Variants in NBAS observed in about 807,000 individuals in gnomAD.
NBAS encodes the protein NAG/BC035112 fusion.
Under a neutral mutation model 302.5 loss-of-function variants are expected in NBAS, and 219 were observed. The ratio of observed to expected loss-of-function variants is 0.72; its 90% CI spans 0.65 to 0.81. The LOEUF is 0.81. NBAS is among the 30% of genes least tolerant of loss of function. The pLI, the probability that NBAS is intolerant of heterozygous loss-of-function variation, is 0.00. For missense variants in NBAS, 2,932 were observed against 2,841.6 expected, an observed-to-expected ratio of 1.03 and a Z score of -0.72; for synonymous variants, 1,118 against 1,021.6, an observed-to-expected ratio of 1.09 and a Z score of -1.80.
At chr2:14,887,397 C>CT in the NBAS span, among the ~76,000 whole-genome samples, 2 of 93,940 alleles carry the variant, frequency 2.1e-5, no homozygotes, top group Non-Finnish European at 4.0e-5. Context: ...AGTGAGACTC[C>CT]TCAAAAAAAA....
the NBAS span, among the ~76,000 whole-genome samples, chr2:15,059,434 C>T: frequency 2.6e-5 from 4 of 152,216 alleles, no homozygotes; most frequent in East Asian, 7.7e-4. Flanking sequence ...GGACTGGACC[C>T]TGCCCATTCT....
chr2:15,376,695 T>C (rs928940479), intron 30 of NBAS, among the ~76,000 whole-genome samples: 1 of 152,192 alleles, frequency 6.6e-6, no homozygotes, highest in East Asian at 1.9e-4. Context: ...ATCTCTCCAA[T>C]ATATCCTTTT....
chr2:14,818,800 G>A, the NBAS span, among the ~76,000 whole-genome samples: 1 of 152,182 alleles, frequency 6.6e-6, no homozygotes, highest in African/African-American at 2.4e-5. Context: ...CACCAGGAAG[G>A]AGCCATAAAG....
chr2:15,487,437 C>T (rs7575425), intron 12 of NBAS, among the ~76,000 whole-genome samples: 6,338 of 152,202 alleles, frequency 0.042, 420 homozygotes, highest in African/African-American at 0.14. Context: ...GCTGGACCCA[C>T]CTATACAAAA....
At chr2:15,485,225 C>T (rs1022496810) in intron 12 of NBAS, among the ~76,000 whole-genome samples, 4 of 151,614 alleles carry the variant, frequency 2.6e-5, no homozygotes, top group Non-Finnish European at 4.4e-5. Flanking sequence ...TCACATCCAC[C>T]GAGAAAAAGG....
At chr2:15,167,446 C>A (rs896559319) in intron 51 of NBAS, 123 bp from the exon 52 acceptor site, 4 of 1,257,402 alleles carry the variant, frequency 3.2e-6, no homozygotes, top group Non-Finnish European at 4.5e-6. Context: ...GGTTTAAAAG[C>A]GTGTGTGGGT....
At chr2:15,243,613 A>G (rs893512633) in intron 44 of NBAS, among the ~76,000 whole-genome samples, 10 of 152,122 alleles carry the variant, frequency 6.6e-5, no homozygotes, top group Non-Finnish European at 1.0e-4. Flanking sequence ...ACCGTAATCT[A>G]TGATATGCTA....
chr2:14,981,372 A>G, the NBAS span, among the ~76,000 whole-genome samples: 1 of 152,248 alleles, frequency 6.6e-6, no homozygotes, highest in Admixed American at 6.5e-5. Flanking sequence ...CAGTCAACCT[A>G]TTCATCAAAT....
the NBAS span, among the ~76,000 whole-genome samples, chr2:15,031,527 T>C: frequency 5.3e-5 from 8 of 152,246 alleles, no homozygotes; most frequent in Non-Finnish European, 8.8e-5. Flanking sequence ...CTCTGGTCTA[T>C]AGCTGAGGTT....
At chr2:15,298,074 C>T (rs778089827) in intron 40 of NBAS, among the ~76,000 whole-genome samples, 5 of 152,074 alleles carry the variant, frequency 3.3e-5, no homozygotes, top group East Asian at 1.9e-4. Flanking sequence ...GGCACGGATG[C>T]TTGTGCCTGT....
the NBAS span, among the ~76,000 whole-genome samples, chr2:14,849,836 C>T: frequency 2.2e-5 from 3 of 138,240 alleles, no homozygotes; most frequent in Non-Finnish European, 4.6e-5. Context: ...AACTAAGCTT[C>T]ATAAGTGAAG....
At chr2:15,471,949 A>G (rs1679975602) in intron 16 of NBAS, among the ~76,000 whole-genome samples, 1 of 152,196 alleles carries the variant, frequency 6.6e-6, no homozygotes, top group South Asian at 2.1e-4. Context: ...ACATAGTCTG[A>G]TATTTTTGTT....
chr2:15,367,465 C>T (rs879267425), intron 31 of NBAS, among the ~76,000 whole-genome samples: 1 of 152,108 alleles, frequency 6.6e-6, no homozygotes, highest in South Asian at 2.1e-4. Context: ...GTCTCAGGCA[C>T]TGTTGGAGGT....
chr2:14,983,818 G>C, the NBAS span, among the ~76,000 whole-genome samples: 24 of 152,066 alleles, frequency 1.6e-4, no homozygotes, highest in Non-Finnish European at 3.1e-4. Flanking sequence ...ATGAAAGGAG[G>C]CATTAAAAAC....
chr2:14,971,181 T>C, the NBAS span, among the ~76,000 whole-genome samples: 1 of 152,194 alleles, frequency 6.6e-6, no homozygotes, highest in African/African-American at 2.4e-5. Flanking sequence ...CATACAATAG[T>C]TTTAAGCTAT....
At chr2:15,443,086 T>C (rs1042889394) in intron 21 of NBAS, among the ~76,000 whole-genome samples, 1 of 152,082 alleles carries the variant, frequency 6.6e-6, no homozygotes, top group African/African-American at 2.4e-5. Flanking sequence ...AAGGAGGAAC[T>C]GGTACCATTC....
the NBAS span, among the ~76,000 whole-genome samples, chr2:15,140,000 G>A: frequency 3.3e-5 from 5 of 152,100 alleles, no homozygotes; most frequent in Non-Finnish European, 5.9e-5. Context: ...GGTTGGTGAC[G>A]TGGTGGATGT....
the NBAS span, among the ~76,000 whole-genome samples, chr2:14,901,307 A>G: frequency 6.6e-6 from 1 of 152,350 alleles, no homozygotes; most frequent in Non-Finnish European, 1.5e-5. Context: ...AGAAACTGTC[A>G]TTATAGCTTT....
chr2:14,891,819 G>T, the NBAS span, among the ~76,000 whole-genome samples: 1 of 152,108 alleles, frequency 6.6e-6, no homozygotes, highest in African/African-American at 2.4e-5. Flanking sequence ...AGAGAATCTG[G>T]AGCTTTACTT....
Sources: allele counts gnomAD v4.1 joint callset (sites outside exome capture counted in the v4.1 genomes callset), GRCh38; gene constraint gnomAD v4.1.1; transcripts MANE v1.5; gene names NCBI Gene and HGNC (gene_info 2026-07-23, HGNC 2026-07-21).